The following UNK variants were observed in gnomAD, a reference collection of about 807,000 sequenced individuals.
The protein encoded by UNK is RING finger protein unkempt homolog.
UNK carries 32 observed loss-of-function variants against 97.6 expected under a neutral mutation model. The ratio of observed to expected loss-of-function variants is 0.33; its 90% CI spans 0.25 to 0.44. The LOEUF (loss-of-function observed/expected upper bound fraction) is 0.44, where lower values mean the gene tolerates loss of function less well. UNK is among the 20% of genes least tolerant of loss of function. The pLI, the probability that UNK is intolerant of heterozygous loss-of-function variation, is 1.00. For missense variants in UNK, 771 were observed against 1,098.4 expected, an observed-to-expected ratio of 0.70 and a Z score of 4.21; for synonymous variants, 441 against 461.2, an observed-to-expected ratio of 0.96 and a Z score of 0.56.
chr17:75,802,095 G>A (rs1407922516), intron 1 of UNK, among the ~76,000 whole-genome samples: 6 of 151,870 alleles, frequency 4.0e-5, no homozygotes, highest in Non-Finnish European at 7.4e-5. Context: ...TGATTTGCCC[G>A]CCTTGGCCTC....
intron 13 of UNK, among the ~76,000 whole-genome samples, chr17:75,821,053 T>G (rs1458440201): frequency 1.4e-4 from 2 of 13,860 alleles, no homozygotes; most frequent in African/African-American, 2.2e-4. Context: ...ATAGGATCTG[T>G]TTTTTTTTTT....
chr17:75,793,276 G>A (rs1286223839), intron 1 of UNK, among the ~76,000 whole-genome samples: 3 of 152,138 alleles, frequency 2.0e-5, no homozygotes, highest in Admixed American at 6.5e-5. Context: ...TTCAGGTATC[G>A]TGAGTGTTTT....
rs756599207 is a variant in UNK at position 75,809,937 on chromosome 17, C to G, written c.282C>G (p.Asp94Glu). The part of the protein sequence containing the change: ...YSPDVYCTKY[D>E]EATGLCPEGD... ...CTGACGTCTACTGCACCAAGTACGACGAGGCTACAGGCCTCTGCCCGGAGG... is the reference window on the plus strand; with the variant it reads ...CTGACGTCTACTGCACCAAGTACGAGGAGGCTACAGGCCTCTGCCCGGAGG... Residue 94 changes from aspartate (D) to glutamate (E), a missense_variant, in exon 2 of 16, where the codon GAC becomes GAG. Transcript: ENST00000589666. 6.2e-7 allele frequency: 1 copy of G among 1,613,580 alleles called. No homozygotes were observed. Among genetic ancestry groups the G allele is most frequent in the African/African-American group, 1.3e-5 (1 of 74,954 alleles).
At position 75,817,477 on chromosome 17, in the gene UNK, A is replaced by G. The variant is rs1188851895; in HGVS notation, c.1256A>G (p.Glu419Gly). Reference sequence around the variant, plus strand: ...AGCTATAAGAAGGCTCCCGGCTTCGAGAGGGAAGACCAGGTGGGAGCCGAG... The same window carrying G: ...AGCTATAAGAAGGCTCCCGGCTTCGGGAGGGAAGACCAGGTGGGAGCCGAG... ...PGSYKKAPGF[E>G]REDQVGAEYL... Residue 419 changes from glutamate (E) to glycine (G), a missense_variant, in exon 9 of 16, where the codon GAG (glutamate) becomes GGG (glycine). By Grantham distance (98) the Glu-to-Gly change is moderately conservative. Coordinates refer to ENST00000589666, the MANE Select transcript of UNK (RefSeq NM_001080419.3). This position sits in a 1 kb window ranked among gnomAD's most constrained non-coding sequence, Gnocchi z 5.8. 5.6e-6 allele frequency: 9 copies of G among 1,613,040 alleles called. No homozygotes were observed. The South Asian group carries it at 6.6e-5, about 12-fold the overall frequency.
At position 75,784,832 on chromosome 17, in the gene UNK, C is replaced by T; in HGVS notation, c.-49C>T. On this transcript the variant is annotated 5_prime_UTR_variant, in exon 1 of 16. Coordinates refer to ENST00000589666, the MANE Select transcript of UNK (RefSeq NM_001080419.3). Reference sequence around the variant, plus strand: ...CACTGGGTCCTCGGCGCGGACCGCGCAGACTGAATAATAAAAGGGGAGCGG... The same window carrying T: ...CACTGGGTCCTCGGCGCGGACCGCGTAGACTGAATAATAAAAGGGGAGCGG... 6.3e-7 allele frequency: 1 copy of T among 1,583,582 alleles called. No homozygotes were observed. Among genetic ancestry groups the T allele is most frequent in the Non-Finnish European group, 8.7e-7 (1 of 1,154,046 alleles).
chr17:75,797,824 T>G (rs940623692), intron 1 of UNK, among the ~76,000 whole-genome samples: 5 of 152,206 alleles, frequency 3.3e-5, no homozygotes, highest in African/African-American at 1.2e-4. Context: ...GTCCCTTTTG[T>G]TGGGCTTACA....
intron 1 of UNK, among the ~76,000 whole-genome samples, chr17:75,786,806 G>C (rs1305389887): frequency 6.6e-6 from 1 of 152,138 alleles, no homozygotes; most frequent in Non-Finnish European, 1.5e-5. Context: ...GCAGTGAGCC[G>C]AGATCGTGCC....
chr17:75,786,415 G>C (rs1232711304), intron 1 of UNK, among the ~76,000 whole-genome samples: 2 of 152,160 alleles, frequency 1.3e-5, no homozygotes, highest in Non-Finnish European at 2.9e-5. Flanking sequence ...TCAGCAACTT[G>C]TGTTTCTGTG....
chr17:75,785,051 C>G (rs1251265646), intron 1 of UNK, 67 bp downstream of exon 1: 5 of 1,204,426 alleles, frequency 4.2e-6, no homozygotes, highest in Non-Finnish European at 3.4e-6. Context: ...GTGAGTCACG[C>G]GCGCAGGGAG....
At chr17:75,822,881 C>T (rs1486635036) in intron 14 of UNK, among the ~76,000 whole-genome samples, 2 of 152,220 alleles carry the variant, frequency 1.3e-5, no homozygotes, top group Non-Finnish European at 1.5e-5. Flanking sequence ...CTGTGAGCTG[C>T]TTGTAGTCTG....
At chr17:75,810,537 G>C (rs1456227829) in intron 2 of UNK, among the ~76,000 whole-genome samples, 2 of 152,098 alleles carry the variant, frequency 1.3e-5, no homozygotes, top group African/African-American at 2.4e-5. Flanking sequence ...TTGTCTCATA[G>C]AGCCTTCCCT....
chr17:75,822,450 C>T (rs2062077550), intron 13 of UNK, 27 bp from the exon 14 acceptor site: 1 of 1,589,962 alleles, frequency 6.3e-7, no homozygotes, highest in Non-Finnish European at 8.6e-7. Context: ...CCCTCCGGAG[C>T]TGATGTTCTT....
intron 2 of UNK, among the ~76,000 whole-genome samples, chr17:75,810,526 C>CT (rs1431674200): frequency 6.6e-6 from 1 of 152,010 alleles, no homozygotes; most frequent in East Asian, 1.9e-4. Context: ...ACTGACCCTG[C>CT]TTGTCTCATA....
chr17:75,812,736 C>T (rs1479824295), intron 4 of UNK, among the ~76,000 whole-genome samples, 151 bp downstream of exon 4: 1 of 152,224 alleles, frequency 6.6e-6, no homozygotes, highest in African/African-American at 2.4e-5. Flanking sequence ...AAAGGCGCCT[C>T]TAGGGGCGTT....
intron 1 of UNK, among the ~76,000 whole-genome samples, chr17:75,797,683 G>T (rs1046362206): frequency 6.6e-6 from 1 of 152,236 alleles, no homozygotes; most frequent in Non-Finnish European, 1.5e-5. Flanking sequence ...GTGACACTAA[G>T]TGGCCAGGAG....
In UNK at chr17:75,798,702, G is replaced by A. The variant is rs180807274; in HGVS notation, c.105-11058G>A. Among the ~76,000 whole-genome samples, 128 of 151,556 alleles carry A rather than the reference G, an allele frequency of 8.4e-4. 1 individual carries two copies. In the Middle Eastern group the frequency reaches 0.02, roughly 24 times the overall value. ...TACCCATTGGTTGTTGGAGGAAATA[G>A]AAACAGGAATTAATCTGTAGTGGCT... On this transcript the variant is annotated intron_variant, in intron 1 of 15. Coordinates refer to ENST00000589666, the MANE Select transcript of UNK (RefSeq NM_001080419.3).
intron 5 of UNK, 41 bp from the exon 6 acceptor site, chr17:75,813,720 C>T (rs1480859014): frequency 1.3e-6 from 2 of 1,526,834 alleles, no homozygotes; most frequent in Non-Finnish European, 1.8e-6. Flanking sequence ...CCGATCTCAC[C>T]TTCTCCTTTC....
chr17:75,798,847 A>ACC, intron 1 of UNK, among the ~76,000 whole-genome samples: 1 of 151,832 alleles, frequency 6.6e-6, no homozygotes, highest in South Asian at 2.1e-4. Context: ...CAGGCAGATC[A>ACC]TGAGGTCAGG....
At chr17:75,821,052 G>T (rs1567810223) in intron 13 of UNK, among the ~76,000 whole-genome samples, 2 of 147,366 alleles carry the variant, frequency 1.4e-5, no homozygotes, top group African/African-American at 5.0e-5. Flanking sequence ...GATAGGATCT[G>T]TTTTTTTTTT....
Sources: gnomAD v4.1 joint callset for allele counts (sites outside exome capture counted in the v4.1 genomes callset) on GRCh38, gnomAD v4.1.1 for gene constraint, Gnocchi (gnomAD v3.1) non-coding constraint, MANE v1.5 for transcripts, NCBI Gene and HGNC (gene_info 2026-07-23, HGNC 2026-07-21) for gene names.